The following SIPA1L2 variants were observed in gnomAD, a reference collection of about 807,000 sequenced individuals.
SIPA1L2 encodes signal-induced proliferation-associated 1-like protein 2.
In SIPA1L2, 56 loss-of-function variants were observed where a neutral mutation model predicts 163.9. That is an observed-to-expected ratio of 0.34 (90% CI 0.28 to 0.43). The LOEUF (loss-of-function observed/expected upper bound fraction) is 0.43. Among genes scored for constraint, SIPA1L2 ranks in the 20% least tolerant of loss-of-function variants. The pLI is 1.00. For missense variants in SIPA1L2, 1,974 were observed against 2,193.5 expected, an observed-to-expected ratio of 0.90 and a Z score of 2.00; for synonymous variants, 877 against 865.7, an observed-to-expected ratio of 1.01 and a Z score of -0.23.
intron 5 of SIPA1L2, among the ~76,000 whole-genome samples, chr1:232,484,388 C>G (rs1341686276): frequency 6.6e-6 from 1 of 151,984 alleles, no homozygotes; most frequent in Non-Finnish European, 1.5e-5. Context: ...GTAGTAATAC[C>G]TTTTATTTCT....
Position 232,399,742 on chromosome 1 carries a change from T to C in SIPA1L2, c.5023-469A>G, listed in dbSNP as rs374107022. ...TATACTATATTTCCATAATGACCCT[T>C]AAAATCTGCTATTAAAAACTGTGTA... On this transcript the variant is annotated intron_variant, in intron 22 of 22. Coordinates refer to ENST00000674635, the MANE Select transcript of SIPA1L2 (RefSeq NM_020808.5). Among the ~76,000 whole-genome samples the C allele has an allele frequency of 2.0e-5, 3 of 152,334 alleles. No individual in the cohort carries two copies. The East Asian group carries it at 5.8e-4, about 29-fold the overall frequency.
chr1:232,504,836 G>C (rs1466169256), intron 3 of SIPA1L2, among the ~76,000 whole-genome samples: 1 of 152,212 alleles, frequency 6.6e-6, no homozygotes, highest in African/African-American at 2.4e-5. Context: ...GAGGCAGAAA[G>C]GTTAAGTGAC....
Position 232,461,667 on chromosome 1 carries a change from C to G in SIPA1L2, c.2821-506G>C, listed in dbSNP as rs545021501. Among the ~76,000 whole-genome samples the G allele has an allele frequency of 1.2e-3, 183 of 152,314 alleles. 1 individual carries two copies. Among genetic ancestry groups the G allele is most frequent in the South Asian group, 2.7e-3 (13 of 4,824 alleles). ...AAACCATGAGACAATTTATTCATCC[C>G]AAGCAAAGAAAAACACCCCAAAGCA... On this transcript the variant is annotated intron_variant, in intron 9 of 22. Coordinates refer to ENST00000674635, the MANE Select transcript of SIPA1L2 (RefSeq NM_020808.5).
chr1:232,557,887 T>C (rs1658805158), intron 2 of SIPA1L2, among the ~76,000 whole-genome samples: 1 of 152,232 alleles, frequency 6.6e-6, no homozygotes, highest in African/African-American at 2.4e-5. Context: ...TGTACCAGCA[T>C]GACACTGACT....
intron 2 of SIPA1L2, among the ~76,000 whole-genome samples, chr1:232,519,366 T>C (rs953975852): frequency 6.6e-6 from 1 of 152,190 alleles, no homozygotes; most frequent in Non-Finnish European, 1.5e-5. Flanking sequence ...TGTGCAGAGC[T>C]CCATTTTCTG....
intron 1 of SIPA1L2, among the ~76,000 whole-genome samples, chr1:232,599,578 T>C (rs937652827): frequency 6.6e-6 from 1 of 152,158 alleles, no homozygotes. Context: ...GACTCCACAG[T>C]AGGAAGCAGC....
At chr1:232,499,673 G>T (rs1032927783) in intron 3 of SIPA1L2, among the ~76,000 whole-genome samples, 1 of 152,230 alleles carries the variant, frequency 6.6e-6, no homozygotes, top group Non-Finnish European at 1.5e-5. Context: ...TAAGACAACA[G>T]ATGACAGTGG....
chr1:232,412,997 T>G (rs1048819757), intron 19 of SIPA1L2, among the ~76,000 whole-genome samples: 1 of 152,200 alleles, frequency 6.6e-6, no homozygotes, highest in South Asian at 2.1e-4. Context: ...TTCATGTACC[T>G]GAGGGCACTG....
At chr1:232,621,776 G>T (rs1443558541) in intron 1 of SIPA1L2, among the ~76,000 whole-genome samples, 2 of 151,424 alleles carry the variant, frequency 1.3e-5, no homozygotes, top group Non-Finnish European at 2.9e-5. Context: ...CTGTCACACA[G>T]GTTGGGGTCC....
chr1:232,613,027 G>A (rs548362352), intron 1 of SIPA1L2, among the ~76,000 whole-genome samples: 1 of 152,278 alleles, frequency 6.6e-6, no homozygotes, highest in South Asian at 2.1e-4. Context: ...CACGAGATCT[G>A]ATGGTTTTCA....
At chr1:232,597,002 G>A (rs1661290015) in intron 1 of SIPA1L2, among the ~76,000 whole-genome samples, 1 of 152,164 alleles carries the variant, frequency 6.6e-6, no homozygotes, top group Non-Finnish European at 1.5e-5. Flanking sequence ...AACAAGCTGT[G>A]GCCTCCAACC....
intron 1 of SIPA1L2, among the ~76,000 whole-genome samples, chr1:232,595,271 C>T (rs1381214958): frequency 4.6e-5 from 7 of 152,314 alleles, no homozygotes; most frequent in Admixed American, 3.9e-4. Context: ...CATCTAATTT[C>T]CAGTCCAATG....
chr1:232,443,563 T>C, intron 12 of SIPA1L2, 39 bp downstream of exon 12: 1 of 1,491,362 alleles, frequency 6.7e-7, no homozygotes, highest in Non-Finnish European at 9.1e-7. Flanking sequence ...AGAAAACAGG[T>C]TCCTCCCAGT....
intron 19 of SIPA1L2, among the ~76,000 whole-genome samples, chr1:232,406,212 A>C (rs750482613): frequency 2.0e-5 from 3 of 152,212 alleles, no homozygotes; most frequent in Non-Finnish European, 2.9e-5. Context: ...CTGAGATAGA[A>C]TCAAATGGCA....
intron 15 of SIPA1L2, among the ~76,000 whole-genome samples, chr1:232,435,003 C>T (rs1294085750): frequency 1.3e-5 from 2 of 152,156 alleles, no homozygotes; most frequent in Non-Finnish European, 2.9e-5. Flanking sequence ...CCCAATAAGG[C>T]TTATGGCCTT....
At chr1:232,429,945 G>GT (rs1359550424) in intron 16 of SIPA1L2, among the ~76,000 whole-genome samples, 1 of 152,136 alleles carries the variant, frequency 6.6e-6, no homozygotes, top group Non-Finnish European at 1.5e-5. Flanking sequence ...ACAATGTGCT[G>GT]TTCTAGTTTC....
intron 1 of SIPA1L2, among the ~76,000 whole-genome samples, chr1:232,596,237 A>G (rs1405877842): frequency 6.6e-6 from 1 of 152,200 alleles, no homozygotes; most frequent in Non-Finnish European, 1.5e-5. Flanking sequence ...GCATGCTCTT[A>G]GCTCACCGCT....
intron 15 of SIPA1L2, among the ~76,000 whole-genome samples, chr1:232,436,847 G>A (rs900599280): frequency 2.0e-5 from 3 of 152,214 alleles, no homozygotes; most frequent in Non-Finnish European, 2.9e-5. Context: ...TGAATTCCAT[G>A]CTGAGCAAAA....
intron 12 of SIPA1L2, among the ~76,000 whole-genome samples, chr1:232,442,910 G>A (rs1454006233): frequency 1.3e-5 from 2 of 152,226 alleles, no homozygotes; most frequent in Non-Finnish European, 2.9e-5. Context: ...ATTTCCCAGT[G>A]CACCTGCGGG....
Sources: gnomAD v4.1 joint callset for allele counts (sites outside exome capture counted in the v4.1 genomes callset) on GRCh38, gnomAD v4.1.1 for gene constraint, MANE v1.5 for transcripts, NCBI Gene and HGNC (gene_info 2026-07-23, HGNC 2026-07-21) for gene names.